The following DMD variants were observed in gnomAD, a reference collection of about 807,000 sequenced individuals.
DMD encodes dystrophin, also known as mutant dystrophin.
In DMD, 63 loss-of-function variants were observed where a neutral mutation model predicts 330.1. That is an observed-to-expected ratio of 0.19 (90% CI 0.16 to 0.24). The LOEUF (loss-of-function observed/expected upper bound fraction) is 0.24, where lower values mean the gene tolerates loss of function less well. Among genes scored for constraint, DMD ranks in the 10% least tolerant of loss-of-function variants. DMD has a pLI of 1.00. For missense variants in DMD, 3,344 were observed against 2,684.1 expected (o/e 1.25, Z -5.43); for synonymous variants, 1,223 against 959.8 (o/e 1.27, Z -5.07).
chrX:31,849,782 C>T (rs985045297), intron 48 of DMD, among the ~76,000 whole-genome samples: 3 of 110,578 alleles, frequency 2.7e-5, no homozygotes, highest in Non-Finnish European at 5.7e-5. Flanking sequence ...ACTATTAATG[C>T]TTGGTTTTCT....
chrX:31,185,411 C>A (rs1020915764), intron 67 of DMD, among the ~76,000 whole-genome samples: 2 of 111,647 alleles, frequency 1.8e-5, no homozygotes, highest in African/African-American at 6.5e-5. Flanking sequence ...TTAAAACATC[C>A]TTCTGTGCTT....
chrX:31,910,435 C>T (rs2094532969), intron 47 of DMD, among the ~76,000 whole-genome samples: 1 of 112,111 alleles, frequency 8.9e-6, no homozygotes, highest in Non-Finnish European at 1.9e-5. Context: ...CTATCATTAC[C>T]TAACACACTG....
chrX:32,034,124 A>G (rs970595159), intron 44 of DMD, among the ~76,000 whole-genome samples: 2 of 112,023 alleles, frequency 1.8e-5, no homozygotes, highest in African/African-American at 6.5e-5. Context: ...GTTAGAAGCC[A>G]TGACTTGAAC....
Position 32,887,143 on chromosome X carries a change from C to G in DMD, c.94-37323G>C, listed in dbSNP as rs961796140. On this transcript the variant is annotated intron_variant, in intron 2 of 78. Coordinates refer to ENST00000357033, the MANE Select transcript of DMD (RefSeq NM_004006.3). ...CGGGCAGATCACGAGGTCAGGAGAT[C>G]GAGACCATCCTGGCTAACACGGTGA... is the stretch of plus-strand genomic sequence containing the variant. Among the ~76,000 whole-genome samples the G allele has an allele frequency of 5.6e-5, 6 of 107,888 alleles. No homozygotes were observed. In the South Asian group the frequency reaches 1.2e-3, roughly 22 times the overall value. The allele number at this position is 107,888 out of a possible 115,157, so 93.7% of individuals were successfully genotyped here.
At position 33,091,767 on chromosome X, in the gene DMD, CAGCTAAA is replaced by C. The variant is rs2095088449; in HGVS notation, c.32-71574_32-71568del. On this transcript the variant is annotated intron_variant, in intron 1 of 78. Transcript: ENST00000357033. The stretch of plus-strand genomic sequence containing the variant: ...GTAATTTGGTGTCTTTTATTTACTG[CAGCTAAA>C]AGGTTCTTCAAAATAAGCATAATCT... Among the ~76,000 whole-genome samples the C allele has an allele frequency of 3.6e-5, 4 of 111,562 alleles. No homozygotes were observed. The South Asian group carries it at 1.5e-3, about 42-fold the overall frequency.
In DMD at chrX:31,451,220, A is replaced by G. The variant is rs1322034016; in HGVS notation, c.8938-6593T>C. On this transcript the variant is annotated intron_variant, in intron 59 of 78. Transcript: ENST00000357033. ...TTTCTTTCTTCCTTTCTTTTTTTCA[A>G]GAGACTTCTTTCTCTTTTTTCTTTC... Among the ~76,000 whole-genome samples the G allele has an allele frequency of 1.2e-5, 1 of 84,985 alleles. No individual in the cohort carries two copies. Among genetic ancestry groups the G allele is most frequent in the Admixed American group, 1.3e-4 (1 of 7,496 alleles). 73.8% of individuals were successfully genotyped at this position (84,985 alleles called of 115,157 possible).
intron 61 of DMD, among the ~76,000 whole-genome samples, chrX:31,334,761 C>T (rs922655945): frequency 1.8e-5 from 2 of 112,006 alleles, no homozygotes; most frequent in South Asian, 7.5e-4. Context: ...TAACGATAGC[C>T]AACCATAGTT....
chrX:32,809,520 C>A lies in DMD; in HGVS notation c.622G>T (p.Gly208Cys). 1 of 1,210,952 alleles carries A rather than the reference C, an allele frequency of 8.3e-7. No individual in the cohort carries two copies. Among genetic ancestry groups the A allele is most frequent in the Non-Finnish European group, 1.1e-6 (1 of 895,037 alleles). The change falls in exon 7 of 79, where the codon GGC becomes TGC. Residue 208 changes from glycine to cysteine, a missense_variant. Gly to Cys is a radical substitution (Grantham distance 159). Transcript: ENST00000357033. ...HAFNIARYQL[G>C]IEKLLDPEDV... The stretch of plus-strand genomic sequence containing the variant: ...TCAGGATCGAGTAGTTTCTCTATGC[C>A]TAATTGATATCTGGCGATGTTGAAT...
intron 34 of DMD, among the ~76,000 whole-genome samples, chrX:32,368,173 G>A (rs2097860946): frequency 8.9e-6 from 1 of 111,800 alleles, no homozygotes; most frequent in South Asian, 3.7e-4. Context: ...TATATCAGGT[G>A]CCTAATATCC....
intron 12 of DMD, among the ~76,000 whole-genome samples, chrX:32,603,019 C>A (rs1227626767): frequency 9.0e-6 from 1 of 111,397 alleles, no homozygotes; most frequent in Non-Finnish European, 1.9e-5. Context: ...TCCTTCCAGG[C>A]CAGACACTTA....
intron 43 of DMD, among the ~76,000 whole-genome samples, chrX:32,275,356 A>G (rs1488090196): frequency 8.9e-6 from 1 of 111,960 alleles, no homozygotes; most frequent in African/African-American, 3.2e-5. Flanking sequence ...CTATCAAATT[A>G]TAGTGTTCAT....
At chrX:32,323,230 T>C (rs1013325683) in intron 41 of DMD, among the ~76,000 whole-genome samples, 3 of 111,918 alleles carry the variant, frequency 2.7e-5, no homozygotes, top group Non-Finnish European at 5.6e-5. Flanking sequence ...GTGTCCATAG[T>C]TACATGCAAA....
chrX:33,063,964 G>A lies in DMD; in HGVS notation c.32-43764C>T, dbSNP rs79893460. Among the ~76,000 whole-genome samples the A allele has an allele frequency of 5.4e-5, 6 of 111,517 alleles. No homozygotes were observed. The South Asian group carries it at 1.9e-3, about 35-fold the overall frequency. Reference sequence around the variant, plus strand: ...CAGATTTTACATTTTTAATTTTTTCGTGTGTGCATTTTAATGAAAGAGTAT... The same window carrying A: ...CAGATTTTACATTTTTAATTTTTTCATGTGTGCATTTTAATGAAAGAGTAT... On this transcript the variant is annotated intron_variant, in intron 1 of 78. Transcript: ENST00000357033.
intron 74 of DMD, among the ~76,000 whole-genome samples, chrX:31,162,129 A>T (rs2148099590): frequency 9.0e-6 from 1 of 111,165 alleles, no homozygotes; most frequent in South Asian, 3.8e-4. Flanking sequence ...CTTTTTTAAA[A>T]TAAATTTTGA....
chrX:31,850,461 T>C (rs5972449), intron 48 of DMD, among the ~76,000 whole-genome samples: 45,782 of 110,608 alleles, frequency 0.41, 7,092 homozygotes, highest in Non-Finnish European at 0.47. Context: ...TCCCTTCCCA[T>C]TGACTTTGGG....
chrX:32,688,304 G>C (rs1187637091), intron 9 of DMD, among the ~76,000 whole-genome samples: 1 of 111,841 alleles, frequency 8.9e-6, no homozygotes, highest in East Asian at 2.8e-4. Flanking sequence ...CTGGTATCAA[G>C]AGACAAAAAA....
At chrX:32,117,301 A>G (rs2096615115) in intron 44 of DMD, among the ~76,000 whole-genome samples, 1 of 111,394 alleles carries the variant, frequency 9.0e-6, no homozygotes, top group Non-Finnish European at 1.9e-5. Context: ...GATATCTTTC[A>G]GCAAGGAGGT....
At chrX:31,680,355 T>C (rs1887964586) in intron 52 of DMD, among the ~76,000 whole-genome samples, 1 of 110,763 alleles carries the variant, frequency 9.0e-6, no homozygotes, top group Non-Finnish European at 1.9e-5. Context: ...ATAAGTGTAT[T>C]AGAAACTTCT....
At chrX:32,341,662 G>C (rs1170714029) in intron 41 of DMD, among the ~76,000 whole-genome samples, 4 of 111,560 alleles carry the variant, frequency 3.6e-5, no homozygotes, top group Admixed American at 1.9e-4. Context: ...GGCTTATGCA[G>C]GTTGACATAA....
Sources: gnomAD v4.1 joint callset for allele counts (sites outside exome capture counted in the v4.1 genomes callset) on GRCh38, gnomAD v4.1.1 for gene constraint, MANE v1.5 for transcripts, NCBI Gene and HGNC (gene_info 2026-07-23, HGNC 2026-07-21) for gene names.